The following ZNF273 variants were observed in gnomAD, a reference collection of about 807,000 sequenced individuals.
The protein encoded by ZNF273 is zinc finger protein 9.
In ZNF273, 11 loss-of-function variants were observed where a neutral mutation model predicts 14.9. That is an observed-to-expected ratio of 0.74 (90% CI 0.46 to 1.22). ZNF273 has a LOEUF of 1.22. ZNF273 is among the 50% of genes most tolerant of loss of function. The probability of loss-of-function intolerance (pLI) is 0.00; values close to 1 mark genes in which losing one functional copy is unlikely to be tolerated. For missense variants in ZNF273, 577 were observed against 660.6 expected, an observed-to-expected ratio of 0.87 and a Z score of 1.39; for synonymous variants, 199 against 223.9, an observed-to-expected ratio of 0.89 and a Z score of 0.99.
In ZNF273 at chr7:64,928,683, A is replaced by G. The variant is rs1278475461; in HGVS notation, c.1355A>G (p.His452Arg). The change falls in exon 4 of 4, where the codon CAT (histidine) becomes CGT (arginine). Residue 452 changes from histidine (H) to arginine (R), a missense_variant. His to Arg is a conservative substitution (Grantham distance 29). Coordinates refer to ENST00000476120, the MANE Select transcript of ZNF273 (RefSeq NM_021148.3). ...FSTLTKHKII[H>R]TGAKPYKCEE... ...ACCCTTACTAAACATAAGATAATTCATACTGGAGCAAAACCTTACAAATGT... is the reference window on the plus strand; with the variant it reads ...ACCCTTACTAAACATAAGATAATTCGTACTGGAGCAAAACCTTACAAATGT... The G allele has an allele frequency of 7.5e-6, 12 of 1,606,040 alleles. No homozygotes were observed. The highest frequency in any genetic ancestry group is 1.0e-5 in the Non-Finnish European group (12 of 1,173,680).
chr7:64,925,103 A>G (rs12536001), intron 3 of ZNF273, among the ~76,000 whole-genome samples: 5,414 of 152,058 alleles, frequency 0.036, 134 homozygotes, highest in Middle Eastern at 0.082. Flanking sequence ...TGCCTGGCCG[A>G]TTTTTCAATT....
chr7:64,906,081 T>C (rs1183670512), intron 1 of ZNF273, among the ~76,000 whole-genome samples: 1 of 152,194 alleles, frequency 6.6e-6, no homozygotes, highest in Non-Finnish European at 1.5e-5. Context: ...GCTTTTAGAA[T>C]GCTAACCAAG....
At chr7:64,934,649 A>G (rs1207865404), downstream of ZNF273, among the ~76,000 whole-genome samples, 1 of 152,094 alleles carries the variant, frequency 6.6e-6, no homozygotes, top group African/African-American at 2.4e-5. Context: ...GTTTGTCTTT[A>G]CTGCTCCACT....
At chr7:64,893,291 A>G (rs1205204125), downstream of ZNF273, 1 of 152,166 alleles carries the variant, frequency 6.6e-6, no homozygotes, top group African/African-American at 2.4e-5. Context: ...TATATTTTTC[A>G]CAGTTTTGAG....
chr7:64,937,291 T>C, the ZNF273 span, among the ~76,000 whole-genome samples: 1 of 152,226 alleles, frequency 6.6e-6, no homozygotes, highest in Admixed American at 6.5e-5. Context: ...GTGAAAGTGA[T>C]GTGTGGATAA....
chr7:64,885,353 A>C (rs572710579), intron 1 of ZNF273, among the ~76,000 whole-genome samples: 8 of 152,236 alleles, frequency 5.3e-5, no homozygotes, highest in African/African-American at 1.7e-4. Flanking sequence ...AGATAAATGG[A>C]TCAGACAGAA....
intron 1 of ZNF273, among the ~76,000 whole-genome samples, chr7:64,914,350 T>A (rs1324329909): frequency 1.1e-4 from 16 of 143,410 alleles, no homozygotes; most frequent in Non-Finnish European, 6.1e-5. Context: ...TTCTGCTATT[T>A]AAAAAAAAAA....
At chr7:64,888,308 C>T (rs766083764) in intron 1 of ZNF273, 95 of 985,228 alleles carry the variant, frequency 9.6e-5, no homozygotes, top group Admixed American at 1.2e-4. Flanking sequence ...GCTCCGTGGC[C>T]TCGCACAGGC....
intron 1 of ZNF273, among the ~76,000 whole-genome samples, chr7:64,914,273 G>T (rs1793793830): frequency 7.1e-6 from 1 of 141,688 alleles, no homozygotes; most frequent in African/African-American, 2.6e-5. Context: ...CTGACCTCAG[G>T]TGATCCACCC....
At chr7:64,911,831 G>C (rs571031498) in intron 1 of ZNF273, among the ~76,000 whole-genome samples, 1 of 151,882 alleles carries the variant, frequency 6.6e-6, no homozygotes, top group Non-Finnish European at 1.5e-5. Context: ...TTGTTAAATC[G>C]AGATCTTTCT....
rs564103211 is a variant in ZNF273, at chr7:64,903,712, G to C, written c.102+293G>C. ...CGCCGCATCTCTCCTCGATGACTCG[G>C]GATGCAGGGTTCATGACTAGGAAGA... On this transcript the variant is annotated intron_variant, in intron 1 of 3. Transcript: ENST00000476120. 1.2e-4 allele frequency among the ~76,000 whole-genome samples: 18 copies of C among 152,330 alleles called. No homozygotes were observed. In the East Asian group the frequency reaches 3.3e-3, roughly 28 times the overall value.
At chr7:64,907,005 A>G (rs1267191741) in intron 1 of ZNF273, among the ~76,000 whole-genome samples, 2 of 152,172 alleles carry the variant, frequency 1.3e-5, no homozygotes. Flanking sequence ...TTTTACCCTG[A>G]AGTCAGCATG....
chr7:64,909,666 T>G (rs1251573663), intron 1 of ZNF273, among the ~76,000 whole-genome samples: 2 of 151,696 alleles, frequency 1.3e-5, no homozygotes, highest in African/African-American at 4.9e-5. Context: ...ATTTATATTT[T>G]GGGGGGTATA....
Position 64,903,301 on chromosome 7 carries a change from C to G in ZNF273, c.-17C>G. 1 of 1,598,126 alleles carries G rather than the reference C, an allele frequency of 6.3e-7. No homozygotes were observed. The highest frequency in any genetic ancestry group is 1.1e-5 in the South Asian group (1 of 90,602). Reference sequence around the variant, plus strand: ...TCTCGCTGCAGTCGCAGCTCCAGGTCTCGTCTTCACTGCTCTATGTCCTCT... The same window carrying G: ...TCTCGCTGCAGTCGCAGCTCCAGGTGTCGTCTTCACTGCTCTATGTCCTCT... On this transcript the variant is annotated 5_prime_UTR_variant, in exon 1 of 4. Transcript: ENST00000476120.
chr7:64,894,953 C>A (rs1269901273), intron 3 of ZNF273, among the ~76,000 whole-genome samples: 1 of 147,436 alleles, frequency 6.8e-6, no homozygotes, highest in African/African-American at 2.6e-5. Flanking sequence ...CATAGTGAAA[C>A]CCCGTCTCTA....
intron 3 of ZNF273, among the ~76,000 whole-genome samples, chr7:64,925,515 A>G (rs1286059542): frequency 6.6e-6 from 1 of 151,994 alleles, no homozygotes; most frequent in Non-Finnish European, 1.5e-5. Context: ...TTGGCTCACC[A>G]CAACCTCTGT....
downstream of ZNF273, among the ~76,000 whole-genome samples, chr7:64,891,522 C>T (rs564645622): frequency 2.1e-4 from 32 of 152,276 alleles, no homozygotes; most frequent in East Asian, 6.0e-3. Flanking sequence ...CAAACTGGTC[C>T]AAGGATCAGA....
upstream of ZNF273, among the ~76,000 whole-genome samples, chr7:64,900,044 C>A (rs1057154474): frequency 6.6e-6 from 1 of 152,208 alleles, no homozygotes; most frequent in South Asian, 2.1e-4. Context: ...AGCCACCACA[C>A]CCTGCCTGGT....
Position 64,928,161 on chromosome 7 carries a change from C to G in ZNF273, c.833C>G (p.Thr278Ser). 1 of 1,612,984 alleles carries G rather than the reference C, an allele frequency of 6.2e-7. No individual in the cohort carries two copies. The highest frequency in any genetic ancestry group is 1.1e-5 in the South Asian group (1 of 90,858). Residue 278 changes from threonine (T) to serine (S), a missense_variant, in exon 4 of 4, where the codon ACT becomes AGT. Physicochemically the swap from Thr to Ser is moderately conservative, Grantham distance 58. Transcript: ENST00000476120. ...GKAFNQSLTL[T>S]KHKKIHTEEK... Reference sequence around the variant, plus strand: ...GCCTTTAACCAGTCCTTAACTCTTACTAAACATAAAAAAATTCATACTGAA... The same window carrying G: ...GCCTTTAACCAGTCCTTAACTCTTAGTAAACATAAAAAAATTCATACTGAA...
Sources: allele counts gnomAD v4.1 joint callset (sites outside exome capture counted in the v4.1 genomes callset), GRCh38; gene constraint gnomAD v4.1.1; transcripts MANE v1.5; gene names NCBI Gene and HGNC (gene_info 2026-07-23, HGNC 2026-07-21).